Variants in MLEC observed in about 807,000 individuals in gnomAD.
MLEC encodes malectin, also known as oligosaccharyltransferase complex subunit (non-catalytic).
A neutral mutation model predicts 28.7 loss-of-function variants in MLEC; 7 were observed. The ratio of observed to expected loss-of-function variants is 0.24; its 90% CI spans 0.14 to 0.46. The LOEUF (loss-of-function observed/expected upper bound fraction) is 0.46. Ranked by LOEUF, MLEC falls within the 20% of genes least tolerant of loss-of-function variation. The probability of loss-of-function intolerance (pLI) is 0.99; values close to 1 mark genes in which losing one functional copy is unlikely to be tolerated. For synonymous variants in MLEC, 142 were observed against 164.4 expected (o/e 0.86, Z 1.04); for missense variants, 237 against 391.1 (o/e 0.61, Z 3.32).
chr12:120,688,904 T>A (rs1435229321), intron 1 of MLEC, among the ~76,000 whole-genome samples: 1 of 151,972 alleles, frequency 6.6e-6, no homozygotes, highest in Non-Finnish European at 1.5e-5. Context: ...AGCCAGACTT[T>A]ATAGCAGGAG....
intron 1 of MLEC, among the ~76,000 whole-genome samples, chr12:120,692,977 T>C (rs1342669878): frequency 6.6e-6 from 1 of 152,082 alleles, no homozygotes; most frequent in African/African-American, 2.4e-5. Flanking sequence ...TCCTAGCACT[T>C]TGGGAGGCCG....
rs1662097941 is a variant in MLEC at position 120,687,381 on chromosome 12, C to G, written c.85C>G (p.Pro29Ala). Reference sequence around the variant, plus strand: ...GCTGCTGCCGCCGGCGATCCGGGGACCCGGGCTCGGCGTGGCCGGCGTGGC... The same window carrying G: ...GCTGCTGCCGCCGGCGATCCGGGGAGCCGGGCTCGGCGTGGCCGGCGTGGC... Reference protein sequence around the residue: ...LLLLPPAIRGPGLGVAGVAGA... With the variant: ...LLLLPPAIRGAGLGVAGVAGA... The change falls in exon 1 of 5, where the codon CCC becomes GCC. Residue 29 changes from proline to alanine, a missense_variant. Transcript: ENST00000228506. The surrounding 1 kb of genome is among the most constrained non-coding windows in gnomAD (Gnocchi z 8.1). The G allele has an allele frequency of 1.8e-5, 25 of 1,370,410 alleles. No homozygotes were observed. The highest frequency in any genetic ancestry group is 2.3e-5 in the Non-Finnish European group (24 of 1,062,020). 84.9% of individuals were successfully genotyped at this position (1,370,410 alleles called of 1,614,324 possible).
chr12:120,695,096 G>A lies in MLEC; in HGVS notation c.593G>A (p.Gly198Glu). ...TGACCACTGTTTCCCTTTTCCTAGG[G>A]GTACTATGACAATCCCAAGGTCTGT... ...TGKLYIEFVK[G>E]YYDNPKVCAL... The change falls in exon 4 of 5, where the codon GGG (glycine) becomes GAG (glutamate). Residue 198 changes from glycine (G) to glutamate (E), a missense_variant and splice_region_variant. Transcript: ENST00000228506. The A allele has an allele frequency of 6.2e-7, 1 of 1,614,144 alleles. No individual in the cohort carries two copies. Among genetic ancestry groups the A allele is most frequent in the Non-Finnish European group, 8.5e-7 (1 of 1,180,028 alleles).
chr12:120,692,949 G>A (rs777822363), intron 1 of MLEC, among the ~76,000 whole-genome samples: 13 of 152,166 alleles, frequency 8.5e-5, no homozygotes, highest in Middle Eastern at 3.4e-3. Flanking sequence ...GGCCTGGCGC[G>A]GTGGCTCACG....
chr12:120,699,387 A>G lies in MLEC; in HGVS notation c.*2842A>G, dbSNP rs948723146. ...AGCCCAGCTGACTGAAAACAAGGAC[A>G]GTCAGGGTGAAACTTCTTTTGCCAG... On this transcript the variant is annotated 3_prime_UTR_variant, in exon 5 of 5. Transcript: ENST00000228506. 2.0e-5 allele frequency: 3 copies of G among 152,476 alleles called. No homozygotes were observed. The highest frequency in any genetic ancestry group is 7.2e-5 in the African/African-American group (3 of 41,444). 9.4% of individuals were successfully genotyped at this position (152,476 alleles called of 1,614,324 possible).
rs1024949126 is a variant in MLEC at position 120,694,638 on chromosome 12, TG to T, written c.415-183del. On this transcript the variant is annotated intron_variant, in intron 2 of 4. Transcript: ENST00000228506. The surrounding 1 kb of genome is among the most constrained non-coding windows in gnomAD (Gnocchi z 4.5). ...TCCTTAAAGCCAATATAAGAACTCCTGGGCAGTGAAGGAACACGGCTTTGAT... is the reference window on the plus strand; with the variant it reads ...TCCTTAAAGCCAATATAAGAACTCCTGGCAGTGAAGGAACACGGCTTTGAT... Among the ~76,000 whole-genome samples, 29 of 152,334 alleles carry T rather than the reference TG, an allele frequency of 1.9e-4. No individual in the cohort carries two copies. Among genetic ancestry groups the T allele is most frequent in the African/African-American group, 6.7e-4 (28 of 41,584 alleles).
chr12:120,691,055 G>GACGCTAGA (rs1359725375), intron 1 of MLEC, among the ~76,000 whole-genome samples: 1 of 152,222 alleles, frequency 6.6e-6, no homozygotes, highest in Non-Finnish European at 1.5e-5. Context: ...GGGTGGGAGT[G>GACGCTAGA]ACGCTAGAGC....
At position 120,687,464 on chromosome 12, in the gene MLEC, A is replaced by G. The variant is rs1197933435; in HGVS notation, c.168A>G (p.Gly56=). Residue 56 remains glycine, a synonymous_variant, in exon 1 of 5, where the codon GGA becomes GGG. Transcript: ENST00000228506. The surrounding 1 kb of genome is among the most constrained non-coding windows in gnomAD (Gnocchi z 8.1). ...TCATTTGGGCGGTCAACGCGGGTGG[A>G]GAGGCGCATGTGGACGTGCACGGGA... ...ESVIWAVNAG[G]EAHVDVHGIH... The G allele has an allele frequency of 7.0e-7, 1 of 1,419,134 alleles. No individual in the cohort carries two copies. Among genetic ancestry groups the G allele is most frequent in the Non-Finnish European group, 9.2e-7 (1 of 1,084,134 alleles). 87.9% of individuals were successfully genotyped at this position (1,419,134 alleles called of 1,614,324 possible).
In MLEC at chr12:120,696,424, G is replaced by A. The variant is rs776299053; in HGVS notation, c.758G>A (p.Arg253Gln). ...SNLKKQTNKN[R>Q]VQSGPRTPNP... ...CTCAAAAAACAGACCAATAAGAACC[G>A]GGTGCAGTCAGGCCCCCGCACACCC... is the stretch of plus-strand genomic sequence containing the variant. Residue 253 changes from arginine (R) to glutamine (Q), a missense_variant, in exon 5 of 5, where the codon CGG becomes CAG. Coordinates refer to ENST00000228506, the MANE Select transcript of MLEC (RefSeq NM_014730.4). This position sits in a 1 kb window ranked among gnomAD's most constrained non-coding sequence, Gnocchi z 5.4. 5.6e-6 allele frequency: 9 copies of A among 1,614,102 alleles called. No homozygotes were observed. The highest frequency in any genetic ancestry group is 1.1e-5 in the South Asian group (1 of 91,074).
Position 120,696,665 on chromosome 12 carries a change from A to AT in MLEC, c.*121dup. 1 of 1,443,906 alleles carries AT rather than the reference A, an allele frequency of 6.9e-7. No homozygotes were observed. The highest frequency in any genetic ancestry group is 1.3e-5 in the South Asian group (1 of 74,134). 89.4% of individuals were successfully genotyped at this position (1,443,906 alleles called of 1,614,324 possible). A position where few individuals can be genotyped will look rare whatever the true frequency, so the allele number is the denominator to read the frequency against. On this transcript the variant is annotated 3_prime_UTR_variant, in exon 5 of 5. Coordinates refer to ENST00000228506, the MANE Select transcript of MLEC (RefSeq NM_014730.4). This position sits in a 1 kb window ranked among gnomAD's most constrained non-coding sequence, Gnocchi z 5.4. ...CAAAAACAAAGAGAAAAAAACACACATCAATTAAAGGAGACAAAAAGAGGC... is the reference window on the plus strand; with the variant it reads ...CAAAAACAAAGAGAAAAAAACACACATTCAATTAAAGGAGACAAAAAGAGGC...
chr12:120,688,742 C>T (rs1881924406), intron 1 of MLEC, among the ~76,000 whole-genome samples: 1 of 152,206 alleles, frequency 6.6e-6, no homozygotes, highest in South Asian at 2.1e-4. Flanking sequence ...GAGTTTATTG[C>T]CTTTCACACA....
intron 1 of MLEC, among the ~76,000 whole-genome samples, chr12:120,693,700 T>A (rs1882120187): frequency 6.6e-6 from 1 of 152,164 alleles, no homozygotes; most frequent in Admixed American, 6.5e-5. Flanking sequence ...CCATCCCCCT[T>A]GTTTTAGGAG....
At chr12:120,689,046 G>A (rs1881937572) in intron 1 of MLEC, among the ~76,000 whole-genome samples, 1 of 152,208 alleles carries the variant, frequency 6.6e-6, no homozygotes, top group African/African-American at 2.4e-5. Context: ...GTGCTGAGCG[G>A]ATGGTTTCTT....
At chr12:120,692,818 G>A (rs758647405) in intron 1 of MLEC, among the ~76,000 whole-genome samples, 1 of 151,638 alleles carries the variant, frequency 6.6e-6, no homozygotes, top group Non-Finnish European at 1.5e-5. Context: ...TATATTTATG[G>A]AGCACTGGAA....
intron 1 of MLEC, among the ~76,000 whole-genome samples, chr12:120,691,883 G>A (rs1346308731): frequency 6.6e-6 from 1 of 152,156 alleles, no homozygotes; most frequent in Non-Finnish European, 1.5e-5. Flanking sequence ...GATTCGGCCT[G>A]GTGTGGTGGC....
rs1337151822 is a variant in MLEC at position 120,696,286 on chromosome 12, G to A, written c.650-30G>A. ...GGTCTCTCTTACTTAAATGCTGTGG[G>A]TCTTAACAGTGTTTTCTTCCTTGTG... On this transcript the variant is annotated intron_variant, in intron 4 of 4. Coordinates refer to ENST00000228506, the MANE Select transcript of MLEC (RefSeq NM_014730.4). This position sits in a 1 kb window ranked among gnomAD's most constrained non-coding sequence, Gnocchi z 5.4. 1 of 1,612,420 alleles carries A rather than the reference G, an allele frequency of 6.2e-7. No homozygotes were observed. The highest frequency in any genetic ancestry group is 2.2e-5 in the East Asian group (1 of 44,878).
At position 120,696,272 on chromosome 12, in the gene MLEC, C is replaced by G. The variant is rs750244199; in HGVS notation, c.650-44C>G. 1.9e-6 allele frequency: 3 copies of G among 1,606,258 alleles called. No individual in the cohort carries two copies. The East Asian group carries it at 6.7e-5, about 36-fold the overall frequency. ...TTGCTGCTTTTAAGGGTCTCTCTTA[C>G]TTAAATGCTGTGGGTCTTAACAGTG... is the stretch of plus-strand genomic sequence containing the variant. On this transcript the variant is annotated intron_variant, in intron 4 of 4. Coordinates refer to ENST00000228506, the MANE Select transcript of MLEC (RefSeq NM_014730.4). This position sits in a 1 kb window ranked among gnomAD's most constrained non-coding sequence, Gnocchi z 5.4.
rs1361746732 is a variant in MLEC at position 120,698,946 on chromosome 12, A to G, written c.*2401A>G. 1.3e-5 allele frequency: 2 copies of G among 152,634 alleles called. No individual in the cohort carries two copies. The highest frequency in any genetic ancestry group is 2.9e-5 in the Non-Finnish European group (2 of 68,068). The allele number at this position is 152,634 out of a possible 1,614,324, so 9.5% of individuals were successfully genotyped here. A position where few individuals can be genotyped will look rare whatever the true frequency, so the allele number is the denominator to read the frequency against. Reference sequence around the variant, plus strand: ...ACTAAAGGGGAAGTGAGGAAACAGGAAGAAGTATGGTGGGGGCTGGGGTAG... The same window carrying G: ...ACTAAAGGGGAAGTGAGGAAACAGGGAGAAGTATGGTGGGGGCTGGGGTAG... On this transcript the variant is annotated 3_prime_UTR_variant, in exon 5 of 5. Coordinates refer to ENST00000228506, the MANE Select transcript of MLEC (RefSeq NM_014730.4).
intron 1 of MLEC, among the ~76,000 whole-genome samples, chr12:120,692,678 G>A (rs1389322201): frequency 6.7e-6 from 1 of 149,340 alleles, no homozygotes; most frequent in Non-Finnish European, 1.5e-5. Context: ...GACAGCCCCT[G>A]GCCTTCTCCC....
Sources: allele counts gnomAD v4.1 joint callset (sites outside exome capture counted in the v4.1 genomes callset), GRCh38; gene constraint gnomAD v4.1.1; non-coding constraint Gnocchi (gnomAD v3.1); transcripts MANE v1.5; gene names NCBI Gene and HGNC (gene_info 2026-07-23, HGNC 2026-07-21).